The following PCDH1 variants were observed in gnomAD, a reference collection of about 807,000 sequenced individuals.
The protein encoded by PCDH1 is protocadherin 1.
In PCDH1, 23 loss-of-function variants were observed where a neutral mutation model predicts 74.6. The observed-to-expected ratio is 0.31, with a 90% CI of 0.22 to 0.44. PCDH1 has a LOEUF of 0.44. Ranked by LOEUF, PCDH1 falls within the 20% of genes least tolerant of loss-of-function variation. PCDH1 has a pLI of 1.00. For synonymous variants in PCDH1, 647 were observed against 686.1 expected (o/e 0.94, Z 0.89); for missense variants, 1,214 against 1,641.4 (o/e 0.74, Z 4.50).
rs1184237564 is a variant in PCDH1, at chr5:141,863,793, G to C, written c.2538C>G (p.Arg846=). Residue 846 remains arginine (R), a synonymous_variant, in exon 3 of 5, where the codon CGC becomes CGG. Transcript: ENST00000287008. The surrounding 1 kb of genome is among the most constrained non-coding windows in gnomAD (Gnocchi z 7.5). Reference sequence around the variant, plus strand: ...AGAGAATGTTGCCACGCTGCTTGGAGCGCTCATATTCTGGATCCCCAGCAA... The same window carrying C: ...AGAGAATGTTGCCACGCTGCTTGGACCGCTCATATTCTGGATCCCCAGCAA... ...IDIAGDPEYE[R]SKQRGNILFG... 1.2e-6 allele frequency: 2 copies of C among 1,614,178 alleles called. No individual in the cohort carries two copies. The highest frequency in any genetic ancestry group is 1.7e-6 in the Non-Finnish European group (2 of 1,180,038).
chr5:141,861,115 C>CAAAAAAAA (rs59007688), intron 3 of PCDH1, among the ~76,000 whole-genome samples: 4 of 61,934 alleles, frequency 6.5e-5, no homozygotes, highest in East Asian at 5.5e-4. Context: ...AACTCCATCT[C>CAAAAAAAA]AAAAAAAAAA....
intron 2 of PCDH1, among the ~76,000 whole-genome samples, chr5:141,866,809 A>T (rs950697074): frequency 3.3e-5 from 5 of 152,086 alleles, no homozygotes; most frequent in Non-Finnish European, 7.4e-5. Flanking sequence ...AAGAGCATGT[A>T]TTTCTTTTTG....
chr5:141,868,447 G>T lies in PCDH1; in HGVS notation c.903+122C>A, dbSNP rs536671341. ...CTCCCCTGGCTGAGTTTGGGGAGAA[G>T]GGGTCTCACTACAGTATTCTGGCAG... On this transcript the variant is annotated intron_variant, in intron 2 of 4. Coordinates refer to ENST00000287008, the MANE Select transcript of PCDH1 (RefSeq NM_032420.5). The surrounding 1 kb of genome is among the most constrained non-coding windows in gnomAD (Gnocchi z 4.8). 51 of 1,445,362 alleles carry T rather than the reference G, an allele frequency of 3.5e-5. 1 individual carries two copies. In the Admixed American group the frequency reaches 1.2e-3, roughly 34 times the overall value. The allele number at this position is 1,445,362 out of a possible 1,614,324, so 89.5% of individuals were successfully genotyped here.
rs1443776785 is a variant in PCDH1 at position 141,868,620 on chromosome 5, G to C, written c.852C>G (p.Ser284=). 1 of 1,590,646 alleles carries C rather than the reference G, an allele frequency of 6.3e-7. No individual in the cohort carries two copies. Among genetic ancestry groups the C allele is most frequent in the African/African-American group, 1.3e-5 (1 of 74,556 alleles). ...NDNAPKFERP[S]YEAELSENSP... ...TATTCTCAGATAGTTCGGCCTCATA[G>C]GAGGGCCGCTCAAACTTGGGGGCGT... Residue 284 remains serine (S), a synonymous_variant, in exon 2 of 5, where the codon TCC becomes TCG. Transcript: ENST00000287008. This position sits in a 1 kb window ranked among gnomAD's most constrained non-coding sequence, Gnocchi z 4.8.
chr5:141,858,255 C>G (rs999879911), intron 3 of PCDH1, among the ~76,000 whole-genome samples: 17 of 152,178 alleles, frequency 1.1e-4, no homozygotes, highest in Non-Finnish European at 2.2e-4. Flanking sequence ...AAGGGAGGAG[C>G]CTGATAACAA....
At position 141,854,076 on chromosome 5, in the gene PCDH1, G is replaced by GTAAAAA. The variant is rs1455360918; in HGVS notation, c.3679_3680insTTTTTA (p.Ser1227delinsPhePheThr). 6.5e-7 allele frequency: 1 copy of GTAAAAA among 1,529,762 alleles called. No individual in the cohort carries two copies. Among genetic ancestry groups the GTAAAAA allele is most frequent in the Non-Finnish European group, 8.8e-7 (1 of 1,136,242 alleles). The allele number at this position is 1,529,762 out of a possible 1,614,324, so 94.8% of individuals were successfully genotyped here. On this transcript the variant is annotated protein_altering_variant, in exon 5 of 5. Coordinates refer to ENST00000287008, the MANE Select transcript of PCDH1 (RefSeq NM_032420.5). ...GATCTCGCGCTTGGCCGTCTGGGCA[G>GTAAAAA]ATGCCGGTGTGGCTGCGGGTGGGAA...
rs754774121 is a variant in PCDH1, at chr5:141,878,284, T to C, written c.-22A>G. 7.9e-7 allele frequency: 1 copy of C among 1,260,514 alleles called. No homozygotes were observed. Among genetic ancestry groups the C allele is most frequent in the Non-Finnish European group, 9.9e-7 (1 of 1,006,802 alleles). 78.1% of individuals were successfully genotyped at this position (1,260,514 alleles called of 1,614,324 possible). A position where few individuals can be genotyped will look rare whatever the true frequency, so the allele number is the denominator to read the frequency against. On this transcript the variant is annotated 5_prime_UTR_variant, in exon 1 of 5. Coordinates refer to ENST00000287008, the MANE Select transcript of PCDH1 (RefSeq NM_032420.5). The surrounding 1 kb of genome is among the most constrained non-coding windows in gnomAD (Gnocchi z 5.5). ...CCATGAGCCGCCGCCGGCCCCGGCC[T>C]GGGCTGCGGCTCCGCACGGCTGGGG...
rs764311333 is a variant in PCDH1, at chr5:141,863,628, G to C, written c.2703C>G (p.Pro901=). ...KETKDLYAPK[P]SGKASKGNKS... ...TGTTTCCCTTGGAGGCCTTGCCACTGGGCTTGGGGGCATACAGGTCCTTGG... is the reference window on the plus strand; with the variant it reads ...TGTTTCCCTTGGAGGCCTTGCCACTCGGCTTGGGGGCATACAGGTCCTTGG... The change falls in exon 3 of 5, where the codon CCC becomes CCG. Residue 901 remains proline (P), a synonymous_variant. Coordinates refer to ENST00000287008, the MANE Select transcript of PCDH1 (RefSeq NM_032420.5). This position sits in a 1 kb window ranked among gnomAD's most constrained non-coding sequence, Gnocchi z 7.5. 1.2e-6 allele frequency: 2 copies of C among 1,614,180 alleles called. No individual in the cohort carries two copies. Among genetic ancestry groups the C allele is most frequent in the Non-Finnish European group, 8.5e-7 (1 of 1,180,022 alleles).
rs1339969176 is a variant in PCDH1 at position 141,868,504 on chromosome 5, G to A, written c.903+65C>T. ...CCCTAAGTGAAGGGAACTCTCACCT[G>A]GTTGGGTGGGCTCCCATTTCTAGTG... is the stretch of plus-strand genomic sequence containing the variant. On this transcript the variant is annotated intron_variant, in intron 2 of 4. Coordinates refer to ENST00000287008, the MANE Select transcript of PCDH1 (RefSeq NM_032420.5). The surrounding 1 kb of genome is among the most constrained non-coding windows in gnomAD (Gnocchi z 4.8). 6.6e-7 allele frequency: 1 copy of A among 1,510,958 alleles called. No individual in the cohort carries two copies. Among genetic ancestry groups the A allele is most frequent in the Non-Finnish European group, 8.8e-7 (1 of 1,131,824 alleles). 93.6% of individuals were successfully genotyped at this position (1,510,958 alleles called of 1,614,324 possible). A position where few individuals can be genotyped will look rare whatever the true frequency, so the allele number is the denominator to read the frequency against.
chr5:141,854,060 C>G lies in PCDH1; in HGVS notation c.3696G>C (p.Lys1232Asn), dbSNP rs1447915393. The G allele has an allele frequency of 6.0e-6, 9 of 1,503,674 alleles. No homozygotes were observed. In the East Asian group the frequency reaches 1.7e-4, roughly 29 times the overall value. 93.1% of individuals were successfully genotyped at this position (1,503,674 alleles called of 1,614,324 possible). ...AATPASAQTA[K>N]REIYL ...AGGGGGCTCACAGGTAGATCTCGCG[C>G]TTGGCCGTCTGGGCAGATGCCGGTG... The change falls in exon 5 of 5, where the codon AAG (lysine) becomes AAC (asparagine). Residue 1232 changes from lysine to asparagine, a missense_variant. Around this residue, in one of 4 missense-constraint regions of PCDH1, gnomAD observed 194 missense variants for 198.3 expected, o/e 0.98. Transcript: ENST00000287008.
chr5:141,857,167 C>T (rs770039706), intron 4 of PCDH1, 85 bp downstream of exon 4: 33 of 1,117,530 alleles, frequency 3.0e-5, no homozygotes, highest in Non-Finnish European at 4.0e-5. Flanking sequence ...TAACTCAATA[C>T]ATAGATGATT....
intron 4 of PCDH1, chr5:141,856,258 C>A (rs1347576863): frequency 6.0e-6 from 9 of 1,509,130 alleles, no homozygotes; most frequent in African/African-American, 1.4e-5. Context: ...TCCGGCCAGC[C>A]GGCTCTGCGC....
rs1421030746 is a variant in PCDH1, at chr5:141,869,058, T to C, written c.414A>G (p.Val138=). The part of the protein sequence containing the change: ...PGDPCILEFE[V]SITDLVQNGS... ...CATTCTGCACGAGGTCTGTGATAGA[T>C]ACCTCAAACTCCAGGATGCAGGGAT... The change falls in exon 2 of 5, where the codon GTA becomes GTG. Residue 138 remains valine (V), a synonymous_variant. Coordinates refer to ENST00000287008, the MANE Select transcript of PCDH1 (RefSeq NM_032420.5). This position sits in a 1 kb window ranked among gnomAD's most constrained non-coding sequence, Gnocchi z 4.9. The C allele has an allele frequency of 2.5e-6, 4 of 1,613,860 alleles. No homozygotes were observed. Among genetic ancestry groups the C allele is most frequent in the South Asian group, 2.2e-5 (2 of 91,088 alleles).
chr5:141,868,650 A>G lies in PCDH1; in HGVS notation c.822T>C (p.Asn274=). ...ALLRVTVLDT[N]DNAPKFERPS... is the part of the protein sequence containing the mutation. ...GCCGCTCAAACTTGGGGGCGTTGTC[A>G]TTGGTGTCAAGCACGGTGACACGCA... is the stretch of plus-strand genomic sequence containing the variant. The change falls in exon 2 of 5, where the codon AAT becomes AAC. Residue 274 remains asparagine, a synonymous_variant. Coordinates refer to ENST00000287008, the MANE Select transcript of PCDH1 (RefSeq NM_032420.5). This position sits in a 1 kb window ranked among gnomAD's most constrained non-coding sequence, Gnocchi z 4.8. 1 of 1,606,772 alleles carries G rather than the reference A, an allele frequency of 6.2e-7. No homozygotes were observed. Among genetic ancestry groups the G allele is most frequent in the South Asian group, 1.1e-5 (1 of 90,376 alleles).
rs754386102 is a variant in PCDH1, at chr5:141,864,188, T to C, written c.2143A>G (p.Ile715Val). 8.7e-6 allele frequency: 14 copies of C among 1,607,048 alleles called. No homozygotes were observed. Among genetic ancestry groups the C allele is most frequent in the African/African-American group, 1.3e-5 (1 of 74,786 alleles). The change falls in exon 3 of 5, where the codon ATC becomes GTC. Residue 715 changes from isoleucine (I) to valine (V), a missense_variant. Physicochemically the swap from Ile to Val is conservative, Grantham distance 29 (BLOSUM62 3). Coordinates refer to ENST00000287008, the MANE Select transcript of PCDH1 (RefSeq NM_032420.5). This position sits in a 1 kb window ranked among gnomAD's most constrained non-coding sequence, Gnocchi z 5.9. ...TGAGAGGTGTTAGAAGGGGCAGTGA[T>C]ATAGGGTGCGTTGTCATTCTCGTCC... ...VLDENDNAPYITAPSNTSHKL... is the reference protein window; with the variant it reads ...VLDENDNAPYVTAPSNTSHKL...
intron 4 of PCDH1, among the ~76,000 whole-genome samples, chr5:141,856,891 C>T (rs914981354): frequency 1.3e-5 from 2 of 152,210 alleles, no homozygotes; most frequent in Non-Finnish European, 2.9e-5. Flanking sequence ...GGCCACCACA[C>T]TCAGGGTCCC....
rs143703336 is a variant in PCDH1 at position 141,863,942 on chromosome 5, G to A, written c.2389C>T (p.Arg797Cys). The A allele has an allele frequency of 2.9e-5, 47 of 1,614,092 alleles. No individual in the cohort carries two copies. The highest frequency in any genetic ancestry group is 5.5e-5 in the South Asian group (5 of 91,080). The change falls in exon 3 of 5, where the codon CGC becomes TGC. Residue 797 changes from arginine (R) to cysteine (C), a missense_variant. Coordinates refer to ENST00000287008, the MANE Select transcript of PCDH1 (RefSeq NM_032420.5). This position sits in a 1 kb window ranked among gnomAD's most constrained non-coding sequence, Gnocchi z 7.5. ...LHRLVVKVSD[R>C]GKPPRYGTAL... ...GTGCCATAGCGTGGGGGCTTGCCGCGGTCACTGACCTTCACCACCAGGCGG... is the reference window on the plus strand; with the variant it reads ...GTGCCATAGCGTGGGGGCTTGCCGCAGTCACTGACCTTCACCACCAGGCGG...
At position 141,864,978 on chromosome 5, in the gene PCDH1, G is replaced by A. The variant is rs770653822; in HGVS notation, c.1353C>T (p.Asp451=). ...TCTGCAGGAAATACTTCTTCTTGCT[G>A]TCACTGCCTGTCTCACTGGCCTGGC... The part of the protein sequence containing the change: ...QLRQASETGS[D]SKKKYFLQTT... Residue 451 remains aspartate (D), a synonymous_variant, in exon 3 of 5, where the codon GAC becomes GAT. Coordinates refer to ENST00000287008, the MANE Select transcript of PCDH1 (RefSeq NM_032420.5). The surrounding 1 kb of genome is among the most constrained non-coding windows in gnomAD (Gnocchi z 5.9). The A allele has an allele frequency of 2.5e-5, 40 of 1,613,986 alleles. No individual in the cohort carries two copies. The South Asian group carries it at 4.3e-4, about 17-fold the overall frequency.
Position 141,854,021 on chromosome 5 carries a change from GC to G in PCDH1, c.*20del. On this transcript the variant is annotated 3_prime_UTR_variant, in exon 5 of 5. Transcript: ENST00000287008. ...GCTGGCCGGCGGCTGGGGGAGGGGG[GC>G]CGGCCGGCCAGTAGGGGGCTCACAG... The G allele has an allele frequency of 1.4e-6, 2 of 1,480,016 alleles. No homozygotes were observed. The highest frequency in any genetic ancestry group is 1.8e-6 in the Non-Finnish European group (2 of 1,114,758). The allele number at this position is 1,480,016 out of a possible 1,614,324, so 91.7% of individuals were successfully genotyped here.
Sources: allele counts gnomAD v4.1 joint callset (sites outside exome capture counted in the v4.1 genomes callset), GRCh38; gene constraint gnomAD v4.1.1; regional missense constraint gnomAD v4.1.1; non-coding constraint Gnocchi (gnomAD v3.1); transcripts MANE v1.5; gene names NCBI Gene and HGNC (gene_info 2026-07-23, HGNC 2026-07-21).